Variants in CUL7 observed in about 807,000 individuals in gnomAD.
CUL7 encodes cullin 7.
A neutral mutation model predicts 177.7 loss-of-function variants in CUL7; 96 were observed. That is an observed-to-expected ratio of 0.54 (90% CI 0.46 to 0.64). The LOEUF (loss-of-function observed/expected upper bound fraction) is 0.64, where lower values mean the gene tolerates loss of function less well. CUL7 is among the 30% of genes least tolerant of loss of function. CUL7 has a pLI of 0.00. For synonymous variants in CUL7, 824 were observed against 890.2 expected (o/e 0.93, Z 1.32); for missense variants, 1,893 against 2,187.9 (o/e 0.87, Z 2.69).
rs2150318795 is a variant in CUL7, at chr6:43,044,268, G to A, written c.3172+484C>T. 1.3e-5 allele frequency among the ~76,000 whole-genome samples: 2 copies of A among 152,308 alleles called. 1 individual carries two copies. Among genetic ancestry groups the A allele is most frequent in the South Asian group, 4.1e-4 (2 of 4,830 alleles). On this transcript the variant is annotated intron_variant, in intron 16 of 25. Transcript: ENST00000265348. ...ACCCTGGAGGCAGAGGTTGCAGTGA[G>A]CCGAGACTGCGCCATTGCACTCCAG... is the stretch of plus-strand genomic sequence containing the variant.
Position 43,037,738 on chromosome 6 carries a change from C to T in CUL7, c.5047G>A (p.Val1683Met), listed in dbSNP as rs1763064496. The T allele has an allele frequency of 3.8e-6, 6 of 1,569,602 alleles. No individual in the cohort carries two copies. Among genetic ancestry groups the T allele is most frequent in the African/African-American group, 1.4e-5 (1 of 73,972 alleles). ...FHTLQIRSRGVPYASCTATQS... is the reference protein window; with the variant it reads ...FHTLQIRSRGMPYASCTATQS... ...GTGGCAGTGCAGGAGGCATAGGGCA[C>T]ACCCCGGGAGCGAATCTGTAGGGTA... Residue 1683 changes from valine (V) to methionine (M), a missense_variant, in exon 26 of 26, where the codon GTG (valine) becomes ATG (methionine). Transcript: ENST00000265348.
rs1764638913 is a variant in CUL7, at chr6:43,053,553, G to A, written c.-9+69C>T. ...GGTAGGATGGGGACCGAGGTTGGGT[G>A]AGCGCGAGGCTCGATGGGCTAGTGG... On this transcript the variant is annotated intron_variant, in intron 1 of 25. Transcript: ENST00000265348. This position sits in a 1 kb window ranked among gnomAD's most constrained non-coding sequence, Gnocchi z 4.1. 2 of 1,108,352 alleles carry A rather than the reference G, an allele frequency of 1.8e-6. No individual in the cohort carries two copies. The highest frequency in any genetic ancestry group is 4.6e-5 in the South Asian group (2 of 43,734). 68.7% of individuals were successfully genotyped at this position (1,108,352 alleles called of 1,614,324 possible). A position where few individuals can be genotyped will look rare whatever the true frequency, so the allele number is the denominator to read the frequency against.
intron 9 of CUL7, among the ~76,000 whole-genome samples, chr6:43,047,637 G>A (rs750324019): frequency 1.6e-4 from 25 of 152,164 alleles, no homozygotes; most frequent in Non-Finnish European, 2.6e-4. Context: ...TCTGTGCCCA[G>A]GACTTCTCTG....
rs1763617120 is a variant in CUL7 at position 43,043,363 on chromosome 6, G to A, written c.3355+85C>T. On this transcript the variant is annotated intron_variant, in intron 17 of 25. Transcript: ENST00000265348. This position sits in a 1 kb window ranked among gnomAD's most constrained non-coding sequence, Gnocchi z 4.2. ...GAGCCCATAGGGAGGGGAAGGATGG[G>A]GATGGACAGAAGCCTGTGGTGTACA... 2.9e-6 allele frequency: 4 copies of A among 1,395,258 alleles called. No homozygotes were observed. In the Admixed American group the frequency reaches 6.8e-5, roughly 24 times the overall value. The allele number at this position is 1,395,258 out of a possible 1,614,324, so 86.4% of individuals were successfully genotyped here.
rs748597578 is a variant in CUL7, at chr6:43,043,533, G to C, written c.3270C>G (p.Phe1090Leu). Residue 1090 changes from phenylalanine to leucine, a missense_variant, in exon 17 of 26, where the codon TTC becomes TTG. By Grantham distance (22) the Phe-to-Leu change is conservative. Transcript: ENST00000265348. This position sits in a 1 kb window ranked among gnomAD's most constrained non-coding sequence, Gnocchi z 4.2. ...GGTGAGTGAGACGGCGCACCCGCGA[G>C]AAGAAAGCTGGGCCGCGGCTCTGGG... ...FNPQSRGPAF[F>L]SRVRRLTHLL... is the part of the protein sequence containing the mutation. The C allele has an allele frequency of 3.1e-6, 5 of 1,614,018 alleles. No individual in the cohort carries two copies. The African/African-American group carries it at 6.7e-5, about 22-fold the overall frequency.
intron 19 of CUL7, among the ~76,000 whole-genome samples, chr6:43,041,414 T>A (rs1383711689): frequency 6.6e-6 from 1 of 151,992 alleles, no homozygotes; most frequent in African/African-American, 2.4e-5. Context: ...GAGACCAGCC[T>A]GGGCAACATG....
Position 43,043,686 on chromosome 6 carries a change from T to G in CUL7, c.3173-56A>C. ...AGCCATGTCTGCAGGGAAGTGGGAG[T>G]GGTTGGGCTGAACAGGAGTGTGGAG... On this transcript the variant is annotated intron_variant, in intron 16 of 25. Transcript: ENST00000265348. This position sits in a 1 kb window ranked among gnomAD's most constrained non-coding sequence, Gnocchi z 4.2. 1.1e-5 allele frequency: 13 copies of G among 1,196,738 alleles called. No homozygotes were observed. The highest frequency in any genetic ancestry group is 1.5e-5 in the Non-Finnish European group (12 of 821,882). 74.1% of individuals were successfully genotyped at this position (1,196,738 alleles called of 1,614,324 possible). A position where few individuals can be genotyped will look rare whatever the true frequency, so the allele number is the denominator to read the frequency against.
rs1316687961 is a variant in CUL7, at chr6:43,051,127, G to A, written c.1074C>T (p.Arg358=). 1.9e-6 allele frequency: 3 copies of A among 1,614,224 alleles called. No homozygotes were observed. In the South Asian group the frequency reaches 3.3e-5, roughly 18 times the overall value. ...TGCCACTTGCGAACTCAGAACGAGGGCGAAAACGTCTTGACCTCCTGAAGG... is the reference window on the plus strand; with the variant it reads ...TGCCACTTGCGAACTCAGAACGAGGACGAAAACGTCTTGACCTCCTGAAGG... ...QPSFRRSRRF[R]PRSEFASGNT... is the part of the protein sequence containing the mutation. Residue 358 remains arginine (R), a synonymous_variant, in exon 4 of 26, where the codon CGC becomes CGT. Transcript: ENST00000265348. This position sits in a 1 kb window ranked among gnomAD's most constrained non-coding sequence, Gnocchi z 5.0.
chr6:43,038,334 C>A lies in CUL7; in HGVS notation c.4706G>T (p.Cys1569Phe). 6.2e-7 allele frequency: 1 copy of A among 1,614,196 alleles called. No individual in the cohort carries two copies. The highest frequency in any genetic ancestry group is 8.5e-7 in the Non-Finnish European group (1 of 1,180,046). Residue 1569 changes from cysteine to phenylalanine, a missense_variant, in exon 25 of 26, where the codon TGC (cysteine) becomes TTC (phenylalanine). Physicochemically the swap from Cys to Phe is radical, Grantham distance 205. This residue lies in a region of CUL7 where 248 missense variants were observed against 262.5 expected (regional missense o/e 0.94). Coordinates refer to ENST00000265348, the MANE Select transcript of CUL7 (RefSeq NM_014780.5). ...GGCCTTGAGGATTCGGACGATGAGG[C>A]AGTTCAGAAGATTCCGTCTCTTCTC... ...NLEKRRNLLN[C>F]LIVRILKAHG...
rs1764410863 is a variant in CUL7 at position 43,051,532 on chromosome 6, ATCC to A, written c.733-67_733-65del. On this transcript the variant is annotated intron_variant, in intron 3 of 25. Coordinates refer to ENST00000265348, the MANE Select transcript of CUL7 (RefSeq NM_014780.5). The surrounding 1 kb of genome is among the most constrained non-coding windows in gnomAD (Gnocchi z 5.0). ...CAGTTTAAGCCCCTCTCTCCATACCATCCTCTGCAGATAGGTGCAAAGGCCTGG... is the reference window on the plus strand; with the variant it reads ...CAGTTTAAGCCCCTCTCTCCATACCATCTGCAGATAGGTGCAAAGGCCTGG... 22 of 1,613,710 alleles carry A rather than the reference ATCC, an allele frequency of 1.4e-5. No individual in the cohort carries two copies. The highest frequency in any genetic ancestry group is 1.8e-5 in the Non-Finnish European group (21 of 1,179,834).
rs571347644 is a variant in CUL7, at chr6:43,042,983, A to T, written c.3464T>A (p.Val1155Glu). 6.2e-7 allele frequency: 1 copy of T among 1,614,098 alleles called. No homozygotes were observed. Among genetic ancestry groups the T allele is most frequent in the African/African-American group, 1.3e-5 (1 of 75,024 alleles). Residue 1155 changes from valine (V) to glutamate (E), a missense_variant and splice_region_variant, in exon 19 of 26, where the codon GTG becomes GAG. By Grantham distance (121) the Val-to-Glu change is moderately radical. Coordinates refer to ENST00000265348, the MANE Select transcript of CUL7 (RefSeq NM_014780.5). Reference sequence around the variant, plus strand: ...CCAGGATGAGGTCAGAAAATTGTTCACCTGGAAGGAAGGGGCAGGAGCATG... The same window carrying T: ...CCAGGATGAGGTCAGAAAATTGTTCTCCTGGAAGGAAGGGGCAGGAGCATG... ...RCWRAVVEKQVNNFLTSSWRD... is the reference protein window; with the variant it reads ...RCWRAVVEKQENNFLTSSWRD...
At position 43,043,303 on chromosome 6, in the gene CUL7, A is replaced by T. The variant is rs1581921997; in HGVS notation, c.3356-123T>A. ...CTGCCACCCAAAATGATGTTCATGG[A>T]TGGAGGTGACACAAACCTGGAAGAT... On this transcript the variant is annotated intron_variant, in intron 17 of 25. Transcript: ENST00000265348. This position sits in a 1 kb window ranked among gnomAD's most constrained non-coding sequence, Gnocchi z 4.2. The T allele has an allele frequency of 8.5e-7, 1 of 1,175,370 alleles. No homozygotes were observed. The highest frequency in any genetic ancestry group is 2.5e-5 in the East Asian group (1 of 40,604). 72.8% of individuals were successfully genotyped at this position (1,175,370 alleles called of 1,614,324 possible).
At position 43,053,545 on chromosome 6, in the gene CUL7, G is replaced by A; in HGVS notation, c.-9+77C>T. 9.7e-7 allele frequency: 1 copy of A among 1,030,056 alleles called. No individual in the cohort carries two copies. Among genetic ancestry groups the A allele is most frequent in the Non-Finnish European group, 1.3e-6 (1 of 768,774 alleles). The allele number at this position is 1,030,056 out of a possible 1,614,324, so 63.8% of individuals were successfully genotyped here. ...CGAGGCACGGTAGGATGGGGACCGA[G>A]GTTGGGTGAGCGCGAGGCTCGATGG... On this transcript the variant is annotated intron_variant, in intron 1 of 25. Transcript: ENST00000265348. The surrounding 1 kb of genome is among the most constrained non-coding windows in gnomAD (Gnocchi z 4.1).
rs1044652677 is a variant in CUL7, at chr6:43,045,375, A to C, written c.2890T>G (p.Leu964Val). ...GTGGGCTTGGGGCCTAGGATCTCTA[A>C]CCCCCGAATGCGCGTATCAATGCCA... ...QGGIDTRIRG[L>V]EILGPKPTFW... is the part of the protein sequence containing the mutation. The change falls in exon 15 of 26, where the codon TTA becomes GTA. Residue 964 changes from leucine to valine, a missense_variant. Leu to Val is a conservative substitution (Grantham distance 32, BLOSUM62 1). Coordinates refer to ENST00000265348, the MANE Select transcript of CUL7 (RefSeq NM_014780.5). This position sits in a 1 kb window ranked among gnomAD's most constrained non-coding sequence, Gnocchi z 4.8. 1.4e-5 allele frequency: 22 copies of C among 1,613,792 alleles called. No individual in the cohort carries two copies. In the African/African-American group the frequency reaches 2.9e-4, roughly 22 times the overall value.
chr6:43,039,083 G>T, intron 22 of CUL7, 96 bp from the exon 23 acceptor site: 1 of 822,318 alleles, frequency 1.2e-6, no homozygotes, highest in Non-Finnish European at 2.1e-6. Flanking sequence ...GTTTATCTCT[G>T]CAAGGCGTGT....
rs755682092 is a variant in CUL7, at chr6:43,040,694, C to G, written c.3859G>C (p.Ala1287Pro). Residue 1287 changes from alanine to proline, a missense_variant, in exon 21 of 26, where the codon GCC (alanine) becomes CCC (proline). This residue lies in a region of CUL7 where 973 missense variants were observed against 1,140.9 expected (regional missense o/e 0.85). Coordinates refer to ENST00000265348, the MANE Select transcript of CUL7 (RefSeq NM_014780.5). The surrounding 1 kb of genome is among the most constrained non-coding windows in gnomAD (Gnocchi z 4.2). ...CAGGGACCGATCTGCTCCAGCACGG[C>G]CCCCTCCAGCCAGCTCGAGACCACG... The part of the protein sequence containing the change: ...LGVVSSWLEG[A>P]VLEQIGPCFP... The G allele has an allele frequency of 6.2e-7, 1 of 1,614,190 alleles. No individual in the cohort carries two copies. Among genetic ancestry groups the G allele is most frequent in the Admixed American group, 1.7e-5 (1 of 60,026 alleles).
At position 43,041,022 on chromosome 6, in the gene CUL7, G is replaced by A. The variant is rs549923207; in HGVS notation, c.3699C>T (p.Ile1233=). The A allele has an allele frequency of 1.1e-5, 17 of 1,613,940 alleles. No individual in the cohort carries two copies. In the African/African-American group the frequency reaches 1.1e-4, roughly 10 times the overall value. ...GCCTCTCCATTTCCTGGGCTCCACC[G>A]ATCCGGCTGCCCTGGATCTGCTGGT... The part of the protein sequence containing the change: ...HIDQQIQGSR[I]GGAQEMERLA... Residue 1233 remains isoleucine (I), a synonymous_variant, in exon 20 of 26, where the codon ATC becomes ATT. Coordinates refer to ENST00000265348, the MANE Select transcript of CUL7 (RefSeq NM_014780.5).
At position 43,053,799 on chromosome 6, in the gene CUL7, T is replaced by G. The variant is rs1159816166; in HGVS notation, c.-186A>C. On this transcript the variant is annotated 5_prime_UTR_variant, in exon 1 of 26. Coordinates refer to ENST00000265348, the MANE Select transcript of CUL7 (RefSeq NM_014780.5). This position sits in a 1 kb window ranked among gnomAD's most constrained non-coding sequence, Gnocchi z 4.1. ...TGCACCCGCGTGAGTCGGCAGCCACTGGGGCAGGGTGGGGCCCGGTCCCTG... is the reference window on the plus strand; with the variant it reads ...TGCACCCGCGTGAGTCGGCAGCCACGGGGGCAGGGTGGGGCCCGGTCCCTG... 1 of 1,532,072 alleles carries G rather than the reference T, an allele frequency of 6.5e-7. No individual in the cohort carries two copies. Among genetic ancestry groups the G allele is most frequent in the Non-Finnish European group, 8.7e-7 (1 of 1,145,808 alleles). The allele number at this position is 1,532,072 out of a possible 1,614,324, so 94.9% of individuals were successfully genotyped here. A position where few individuals can be genotyped will look rare whatever the true frequency, so the allele number is the denominator to read the frequency against.
chr6:43,041,780 C>A (rs1044119419), intron 19 of CUL7, among the ~76,000 whole-genome samples: 1 of 151,126 alleles, frequency 6.6e-6, no homozygotes, highest in African/African-American at 2.4e-5. Context: ...GTGAGGCGGG[C>A]GGATCACGAG....
Sources: gnomAD v4.1 joint callset for allele counts (sites outside exome capture counted in the v4.1 genomes callset) on GRCh38, gnomAD v4.1.1 for gene constraint, gnomAD v4.1.1 regional missense constraint, Gnocchi (gnomAD v3.1) non-coding constraint, MANE v1.5 for transcripts, NCBI Gene and HGNC (gene_info 2026-07-23, HGNC 2026-07-21) for gene names.